Variants in ADGRG6 observed in about 807,000 individuals in gnomAD.
ADGRG6 encodes the protein adhesion G protein-coupled receptor G6.
Under a neutral mutation model 142.4 loss-of-function variants are expected in ADGRG6, and 84 were observed. The observed-to-expected ratio is 0.59, with a 90% CI of 0.49 to 0.71. ADGRG6 has a LOEUF of 0.71. Ranked by LOEUF, ADGRG6 falls within the 30% of genes least tolerant of loss-of-function variation. ADGRG6 has a pLI of 0.00. For synonymous variants in ADGRG6, 521 were observed against 520.5 expected (o/e 1.00, Z -0.01); for missense variants, 1,367 against 1,466.6 (o/e 0.93, Z 1.11).
intron 2 of ADGRG6, among the ~76,000 whole-genome samples, chr6:142,351,840 T>TATC (rs2114777470): frequency 6.6e-6 from 1 of 152,218 alleles, no homozygotes; most frequent in South Asian, 2.1e-4. Flanking sequence ...TTGAACGGAT[T>TATC]GGCAAGCAAA....
intron 2 of ADGRG6, among the ~76,000 whole-genome samples, chr6:142,314,971 A>AGTGTGTGTGTGTGTGT (rs58848776): frequency 0.013 from 1,896 of 145,044 alleles, 29 homozygotes; most frequent in African/African-American, 0.034. Flanking sequence ...CCAATCATGG[A>AGTGTGTGTGTGTGTGT]GTGTGTGTGT....
chr6:142,384,121 G>T (rs780329499), intron 6 of ADGRG6, among the ~76,000 whole-genome samples: 3 of 152,058 alleles, frequency 2.0e-5, no homozygotes, highest in Non-Finnish European at 4.4e-5. Flanking sequence ...CATTTAATTA[G>T]AAGGCATTAA....
intron 14 of ADGRG6, 141 bp downstream of exon 14, chr6:142,404,114 C>T: frequency 1.5e-6 from 1 of 675,392 alleles, no homozygotes; most frequent in Non-Finnish European, 2.6e-6. Flanking sequence ...TTAACTAGAG[C>T]AGTAGCCATA....
chr6:142,373,319 ATC>A (rs1360690736), intron 4 of ADGRG6, among the ~76,000 whole-genome samples: 3 of 152,226 alleles, frequency 2.0e-5, no homozygotes, highest in Non-Finnish European at 4.4e-5. Flanking sequence ...TCCAAGAGCC[ATC>A]TCTCTGGCCA....
chr6:142,435,332 A>T (rs1777432508), intron 22 of ADGRG6, among the ~76,000 whole-genome samples: 1 of 152,152 alleles, frequency 6.6e-6, no homozygotes, highest in Non-Finnish European at 1.5e-5. Flanking sequence ...CTTAAGGTTC[A>T]GTTCAAGCGC....
At chr6:142,381,390 G>A (rs1267779464) in intron 4 of ADGRG6, among the ~76,000 whole-genome samples, 1 of 152,128 alleles carries the variant, frequency 6.6e-6, no homozygotes, top group East Asian at 1.9e-4. Context: ...GAGATTTAGT[G>A]CAACAATGAA....
intron 2 of ADGRG6, among the ~76,000 whole-genome samples, chr6:142,336,072 A>G (rs1420145578): frequency 1.3e-5 from 2 of 152,320 alleles, no homozygotes; most frequent in East Asian, 1.9e-4. Context: ...GCAACTTTTT[A>G]TGATCTCTTT....
chr6:142,403,963 C>T lies in ADGRG6; in HGVS notation c.2117C>T (p.Ser706Leu), dbSNP rs1030798488. The T allele has an allele frequency of 8.7e-6, 14 of 1,605,274 alleles. No homozygotes were observed. The highest frequency in any genetic ancestry group is 4.0e-5 in the African/African-American group (3 of 74,656). ...ATTGGTCTTCCAAGCAATAATGAAT[C>T]GTATTTCCAGGTAATGAGCCAGTGG... ...FSIGLPSNNESYFQMDFESGQ... is the reference protein window; with the variant it reads ...FSIGLPSNNELYFQMDFESGQ... Residue 706 changes from serine to leucine, a missense_variant, in exon 14 of 25, where the codon TCG (serine) becomes TTG (leucine). This residue lies in a region of ADGRG6 where 286 missense variants were observed against 371.4 expected (regional missense o/e 0.77). Coordinates refer to ENST00000367609, the MANE Select transcript of ADGRG6 (RefSeq NM_198569.3).
At chr6:142,393,029 TA>T (rs767886652) in intron 8 of ADGRG6, 29 bp downstream of exon 8, 1 of 1,214,818 alleles carries the variant, frequency 8.2e-7, no homozygotes. Flanking sequence ...TTTGATAAAT[TA>T]AAAGTAGTGT....
chr6:142,389,814 C>A (rs896646496), intron 6 of ADGRG6, among the ~76,000 whole-genome samples: 1 of 151,790 alleles, frequency 6.6e-6, no homozygotes, highest in Non-Finnish European at 1.5e-5. Context: ...TATGCCTGTT[C>A]TGCTTTTTCA....
chr6:142,316,120 G>A (rs1778052281), intron 2 of ADGRG6, among the ~76,000 whole-genome samples: 1 of 151,994 alleles, frequency 6.6e-6, no homozygotes, highest in African/African-American at 2.4e-5. Context: ...AACATATCTT[G>A]GTTTTTAGTC....
At chr6:142,437,579 A>G (rs201957005) in intron 23 of ADGRG6, 44 bp downstream of exon 23, 1 of 905,018 alleles carries the variant, frequency 1.1e-6, no homozygotes, top group Non-Finnish European at 1.9e-6. Context: ...AGTAGATGGG[A>G]AAGTTTGTCA....
At chr6:142,332,902 GC>G (rs1408837504) in intron 2 of ADGRG6, among the ~76,000 whole-genome samples, 2 of 152,172 alleles carry the variant, frequency 1.3e-5, no homozygotes, top group African/African-American at 4.8e-5. Flanking sequence ...GGAAAGTTAA[GC>G]ACATGGAAGT....
At chr6:142,419,526 G>T (rs184763530) in intron 21 of ADGRG6, among the ~76,000 whole-genome samples, 4 of 152,280 alleles carry the variant, frequency 2.6e-5, no homozygotes, top group Non-Finnish European at 5.9e-5. Flanking sequence ...GTTAGACATG[G>T]CTTGGAACAA....
intron 2 of ADGRG6, among the ~76,000 whole-genome samples, chr6:142,353,696 T>G (rs2114786844): frequency 6.6e-6 from 1 of 152,302 alleles, no homozygotes. Flanking sequence ...TTTTTTATAT[T>G]TCTGAAAAGA....
intron 2 of ADGRG6, among the ~76,000 whole-genome samples, chr6:142,326,550 T>C (rs1778790219): frequency 6.6e-6 from 1 of 151,922 alleles, no homozygotes; most frequent in Non-Finnish European, 1.5e-5. Context: ...TGAATATGGT[T>C]CAAGATGAGT....
chr6:142,437,799 C>G (rs192427541), intron 23 of ADGRG6, among the ~76,000 whole-genome samples: 57 of 151,866 alleles, frequency 3.8e-4, no homozygotes, highest in African/African-American at 1.4e-3. Flanking sequence ...ATTTAATAAC[C>G]CGTATACCCA....
chr6:142,317,743 A>T (rs1319024630), intron 2 of ADGRG6, among the ~76,000 whole-genome samples: 5 of 107,680 alleles, frequency 4.6e-5, no homozygotes, highest in African/African-American at 1.5e-4. Flanking sequence ...ATATTTATAT[A>T]ATATATATTT....
At chr6:142,397,795 C>G (rs777707259) in intron 10 of ADGRG6, 40 bp downstream of exon 10, 15 of 1,285,576 alleles carry the variant, frequency 1.2e-5, no homozygotes, top group Non-Finnish European at 1.3e-5. Context: ...TTTTATACAA[C>G]TGTATATTCA....
Sources: allele counts gnomAD v4.1 joint callset (sites outside exome capture counted in the v4.1 genomes callset), GRCh38; gene constraint gnomAD v4.1.1; regional missense constraint gnomAD v4.1.1; transcripts MANE v1.5; gene names NCBI Gene and HGNC (gene_info 2026-07-23, HGNC 2026-07-21).